INPP4B: variants seen among roughly 807,000 people sequenced by gnomAD.
INPP4B encodes inositol polyphosphate-4-phosphatase type II B.
A neutral mutation model predicts 122.5 loss-of-function variants in INPP4B; 55 were observed. The observed-to-expected ratio is 0.45, with a 90% CI of 0.36 to 0.56. The LOEUF (loss-of-function observed/expected upper bound fraction) is 0.56, where lower values mean the gene tolerates loss of function less well. Among genes scored for constraint, INPP4B ranks in the 20% least tolerant of loss-of-function variants. INPP4B has a pLI of 0.00. For missense variants in INPP4B, 1,000 were observed against 1,097.7 expected, an observed-to-expected ratio of 0.91 and a Z score of 1.26; for synonymous variants, 403 against 388.7, an observed-to-expected ratio of 1.04 and a Z score of -0.43.
intron 2 of INPP4B, among the ~76,000 whole-genome samples, chr4:142,525,213 A>C (rs557884343): frequency 6.6e-6 from 1 of 152,202 alleles, no homozygotes; most frequent in South Asian, 2.1e-4. Flanking sequence ...GGAGAACTAC[A>C]AACCACTGCT....
intron 2 of INPP4B, among the ~76,000 whole-genome samples, chr4:142,577,938 AC>A (rs1168310629): frequency 6.6e-6 from 1 of 151,924 alleles, no homozygotes; most frequent in African/African-American, 2.4e-5. Flanking sequence ...ATCTCATGCA[AC>A]ATAAACACAT....
intron 22 of INPP4B, among the ~76,000 whole-genome samples, chr4:142,110,978 A>G (rs1331965015): frequency 1.3e-5 from 2 of 152,112 alleles, no homozygotes; most frequent in South Asian, 2.1e-4. Flanking sequence ...AGAAGAGGCA[A>G]TTTGGAATGC....
chr4:142,211,762 C>A (rs988126673), intron 12 of INPP4B, among the ~76,000 whole-genome samples: 4 of 152,100 alleles, frequency 2.6e-5, no homozygotes, highest in Non-Finnish European at 4.4e-5. Flanking sequence ...AAGTCCTCTG[C>A]CTTTATGATT....
intron 15 of INPP4B, among the ~76,000 whole-genome samples, chr4:142,177,174 C>T (rs1828717771): frequency 1.3e-5 from 2 of 152,058 alleles, no homozygotes; most frequent in South Asian, 4.1e-4. Context: ...ACGATGAGCA[C>T]CTCACCTACT....
chr4:142,629,977 C>A (rs921397802), intron 2 of INPP4B, among the ~76,000 whole-genome samples: 1 of 152,008 alleles, frequency 6.6e-6, no homozygotes, highest in Admixed American at 6.6e-5. Context: ...AGGCATAGGG[C>A]CTACACTAAA....
At chr4:142,425,745 T>C (rs925890152) in intron 5 of INPP4B, among the ~76,000 whole-genome samples, 1 of 152,028 alleles carries the variant, frequency 6.6e-6, no homozygotes, top group African/African-American at 2.4e-5. Context: ...AGTGGCCTCG[T>C]CTTTCTGTCT....
At chr4:142,846,397 A>C (rs548903816), upstream of INPP4B, 1 of 152,540 alleles carries the variant, frequency 6.6e-6, no homozygotes, top group Admixed American at 6.5e-5. This position sits in a 1 kb window ranked among gnomAD's most constrained non-coding sequence, Gnocchi z 5.1. Context: ...GCGACGGCGC[A>C]GGGCGCCGGC....
intron 3 of INPP4B, among the ~76,000 whole-genome samples, chr4:142,454,109 G>A (rs1814886330): frequency 6.6e-6 from 1 of 152,068 alleles, no homozygotes; most frequent in African/African-American, 2.4e-5. Context: ...AACAACATGT[G>A]TAGACTTTCC....
chr4:142,063,239 T>C (rs1327787666), intron 25 of INPP4B, among the ~76,000 whole-genome samples: 1 of 152,142 alleles, frequency 6.6e-6, no homozygotes, highest in Non-Finnish European at 1.5e-5. Context: ...GTCCACATGA[T>C]CTGCCTGAAC....
chr4:142,399,763 C>T (rs1451768802), intron 7 of INPP4B, among the ~76,000 whole-genome samples: 1 of 152,070 alleles, frequency 6.6e-6, no homozygotes. Flanking sequence ...GGCAGCTCAT[C>T]CTGAGGAAAT....
chr4:142,456,209 C>G (rs1815385019), intron 3 of INPP4B, among the ~76,000 whole-genome samples: 1 of 151,890 alleles, frequency 6.6e-6, no homozygotes, highest in South Asian at 2.1e-4. Flanking sequence ...GTGGGGTACT[C>G]CTCAAGAAAT....
At chr4:142,269,676 T>C (rs77577763) in intron 10 of INPP4B, among the ~76,000 whole-genome samples, 15,643 of 152,136 alleles carry the variant, frequency 0.1, 900 homozygotes, top group Middle Eastern at 0.16. Flanking sequence ...TAATAGTCCA[T>C]TGTAGATTCC....
At chr4:142,656,705 C>G (rs1246517977) in intron 2 of INPP4B, among the ~76,000 whole-genome samples, 1 of 152,192 alleles carries the variant, frequency 6.6e-6, no homozygotes, top group East Asian at 1.9e-4. Flanking sequence ...ACCATTTGCA[C>G]AAGAATAAGA....
chr4:142,124,154 A>G (rs998692492), intron 19 of INPP4B, among the ~76,000 whole-genome samples: 18 of 152,088 alleles, frequency 1.2e-4, no homozygotes, highest in Middle Eastern at 3.2e-3. Flanking sequence ...AAAATAAGAG[A>G]TAATTGTGAA....
At chr4:142,801,487 C>A (rs1409136358) in intron 1 of INPP4B, among the ~76,000 whole-genome samples, 2 of 152,138 alleles carry the variant, frequency 1.3e-5, no homozygotes, top group Admixed American at 1.3e-4. Context: ...GAGGACACAG[C>A]GAGTGGAGGC....
At chr4:142,758,941 A>G (rs1392418088) in intron 1 of INPP4B, among the ~76,000 whole-genome samples, 1 of 147,330 alleles carries the variant, frequency 6.8e-6, no homozygotes, top group African/African-American at 2.6e-5. Context: ...AGACAGAGTG[A>G]GACTCAGTCT....
At chr4:142,434,540 T>C (rs941356267) in intron 3 of INPP4B, among the ~76,000 whole-genome samples, 3 of 152,188 alleles carry the variant, frequency 2.0e-5, no homozygotes, top group African/African-American at 7.2e-5. Context: ...CCTCTGCTCC[T>C]CTCACTCATG....
chr4:142,784,896 C>T (rs1288405945), intron 1 of INPP4B, among the ~76,000 whole-genome samples: 1 of 152,014 alleles, frequency 6.6e-6, no homozygotes, highest in African/African-American at 2.4e-5. Flanking sequence ...GGCTTCCTGT[C>T]TCACTTACAG....
At chr4:142,556,475 AAGAT>A (rs1441951648) in intron 2 of INPP4B, among the ~76,000 whole-genome samples, 1 of 152,188 alleles carries the variant, frequency 6.6e-6, no homozygotes, top group African/African-American at 2.4e-5. Flanking sequence ...GGGAAAGAAA[AAGAT>A]AGTTTAATAC....
Sources: allele counts gnomAD v4.1 joint callset (sites outside exome capture counted in the v4.1 genomes callset), GRCh38; gene constraint gnomAD v4.1.1; non-coding constraint Gnocchi (gnomAD v3.1); transcripts MANE v1.5; gene names NCBI Gene and HGNC (gene_info 2026-07-23, HGNC 2026-07-21).